DOCK2: variants seen among roughly 807,000 people sequenced by gnomAD.
The protein encoded by DOCK2 is dedicator of cytokinesis protein 2.
DOCK2 carries 87 observed loss-of-function variants against 248.9 expected under a neutral mutation model. That is an observed-to-expected ratio of 0.35 (90% CI 0.29 to 0.42). DOCK2 has a LOEUF of 0.42. Ranked by LOEUF, DOCK2 falls within the 10% of genes least tolerant of loss-of-function variation. DOCK2 has a pLI of 1.00. For synonymous variants in DOCK2, 805 were observed against 821.6 expected (o/e 0.98, Z 0.35); for missense variants, 1,747 against 2,300.2 (o/e 0.76, Z 4.92).
intron 27 of DOCK2, chr5:169,875,839 T>C (rs368920562): frequency 6.5e-6 from 1 of 152,744 alleles, no homozygotes; most frequent in East Asian, 1.9e-4. Context: ...GTAAAAATCA[T>C]CAGTTAAAGG....
In DOCK2 at chr5:169,882,658, C is replaced by G. The variant is rs917958915; in HGVS notation, c.2799+41806C>G. The G allele has an allele frequency of 7.7e-6, 12 of 1,551,918 alleles. No individual in the cohort carries two copies. Among genetic ancestry groups the G allele is most frequent in the Admixed American group, 3.9e-5 (2 of 50,988 alleles). On this transcript the variant is annotated intron_variant, in intron 27 of 51. Coordinates refer to ENST00000520908, the MANE Select transcript of DOCK2 (RefSeq NM_004946.3). ...AGATTCCTCCACAGATTGCAGTCGG[C>G]CTTGGAGGTCGCAGAGTTCACCCCG...
intron 29 of DOCK2, among the ~76,000 whole-genome samples, chr5:169,995,265 G>A (rs1051665029): frequency 6.6e-6 from 1 of 152,098 alleles, no homozygotes; most frequent in Non-Finnish European, 1.5e-5. Flanking sequence ...CAGACCTCAA[G>A]TGATCCACCC....
Position 170,028,775 on chromosome 5 carries a change from G to GCA in DOCK2, c.3467+835_3467+836dup, listed in dbSNP as rs571041926. Among the ~76,000 whole-genome samples the GCA allele has an allele frequency of 4.1e-4, 61 of 150,562 alleles. No homozygotes were observed. In the South Asian group the frequency reaches 9.1e-3, roughly 22 times the overall value. ...CACACACACACACACACACGCGTGC[G>GCA]CACACACACCCAAACACTCCCCCAT... On this transcript the variant is annotated intron_variant, in intron 34 of 51. Transcript: ENST00000520908.
At chr5:169,860,960 C>G (rs1305927156) in intron 27 of DOCK2, among the ~76,000 whole-genome samples, 2 of 151,994 alleles carry the variant, frequency 1.3e-5, no homozygotes, top group African/African-American at 4.8e-5. Flanking sequence ...TATAAATTTG[C>G]CTTTTAAGGA....
chr5:169,765,785 G>C (rs1764748190), intron 25 of DOCK2, among the ~76,000 whole-genome samples: 1 of 147,470 alleles, frequency 6.8e-6, no homozygotes, highest in Non-Finnish European at 1.5e-5. Flanking sequence ...TTTATTTTCA[G>C]CTGGTGGGTT....
intron 27 of DOCK2, among the ~76,000 whole-genome samples, chr5:169,921,553 G>A (rs150022648): frequency 4.1e-4 from 62 of 152,250 alleles, no homozygotes; most frequent in Admixed American, 2.2e-3. Context: ...CCTCCTCTTC[G>A]TAGGAATTTG....
chr5:169,781,001 C>T (rs1466700111), intron 25 of DOCK2, among the ~76,000 whole-genome samples: 1 of 152,064 alleles, frequency 6.6e-6, no homozygotes, highest in East Asian at 1.9e-4. Flanking sequence ...CATGACTTAC[C>T]CACTTATTCC....
intron 24 of DOCK2, chr5:169,761,299 C>T (rs1764476157): frequency 2.0e-6 from 1 of 504,430 alleles, no homozygotes; most frequent in African/African-American, 1.9e-5. Flanking sequence ...CTGCTCAGGG[C>T]TATGGGTATT....
At chr5:169,883,707 C>G in intron 27 of DOCK2, 1 of 1,551,388 alleles carries the variant, frequency 6.4e-7, no homozygotes, top group Non-Finnish European at 8.7e-7. Flanking sequence ...TCTTCCCCAT[C>G]ACAGCCGGGT....
At chr5:169,808,946 G>C (rs116576329) in intron 26 of DOCK2, among the ~76,000 whole-genome samples, 1 of 151,926 alleles carries the variant, frequency 6.6e-6, no homozygotes, top group African/African-American at 2.4e-5. Flanking sequence ...AAACCTGGGT[G>C]GGGGGCTACC....
intron 34 of DOCK2, among the ~76,000 whole-genome samples, chr5:170,029,957 C>G (rs1047205780): frequency 1.1e-4 from 17 of 152,300 alleles, no homozygotes; most frequent in Non-Finnish European, 2.1e-4. Context: ...TCACTAAACA[C>G]TTAGAATGCA....
intron 25 of DOCK2, among the ~76,000 whole-genome samples, chr5:169,795,119 T>G (rs1766566390): frequency 6.6e-6 from 1 of 152,208 alleles, no homozygotes; most frequent in African/African-American, 2.4e-5. Flanking sequence ...AGCCAACTTA[T>G]AGGGTATTTG....
intron 41 of DOCK2, among the ~76,000 whole-genome samples, chr5:170,054,017 C>G (rs1305952663): frequency 7.0e-6 from 1 of 143,222 alleles, no homozygotes; most frequent in Non-Finnish European, 1.5e-5. Context: ...GGAAGGAAAA[C>G]AACTCCTAAC....
intron 27 of DOCK2, among the ~76,000 whole-genome samples, chr5:169,907,172 T>C: frequency 6.6e-6 from 1 of 152,160 alleles, no homozygotes; most frequent in East Asian, 1.9e-4. Context: ...TGCTGAGGCA[T>C]TTTGGTCACC....
chr5:169,924,791 T>G (rs1249428807), intron 27 of DOCK2, among the ~76,000 whole-genome samples: 1 of 152,208 alleles, frequency 6.6e-6, no homozygotes, highest in Non-Finnish European at 1.5e-5. Flanking sequence ...CAATCTGAAG[T>G]ATCCTGGGAC....
intron 32 of DOCK2, among the ~76,000 whole-genome samples, chr5:170,017,462 A>T (rs924323754): frequency 6.6e-6 from 1 of 152,190 alleles, no homozygotes; most frequent in East Asian, 1.9e-4. Context: ...CCTATCTGCT[A>T]CTTCTGATGC....
At chr5:170,049,761 C>CTTTAGTTGA (rs1177155808) in intron 40 of DOCK2, among the ~76,000 whole-genome samples, 1 of 152,188 alleles carries the variant, frequency 6.6e-6, no homozygotes. Context: ...ACAACATCAC[C>CTTTAGTTGA]TTTAGTTGAG....
At chr5:169,701,363 G>A (rs908990724) in intron 13 of DOCK2, among the ~76,000 whole-genome samples, 8 of 152,148 alleles carry the variant, frequency 5.3e-5, no homozygotes, top group African/African-American at 1.2e-4. Context: ...TTCCGTTCAC[G>A]ATGGCTCTCA....
intron 29 of DOCK2, among the ~76,000 whole-genome samples, chr5:169,988,450 A>G (rs564056023): frequency 1.3e-5 from 2 of 152,334 alleles, no homozygotes; most frequent in East Asian, 1.9e-4. Context: ...GAAAAGAAAC[A>G]GAAGCCATTT....
Sources: gnomAD v4.1 joint callset for allele counts (sites outside exome capture counted in the v4.1 genomes callset) on GRCh38, gnomAD v4.1.1 for gene constraint, MANE v1.5 for transcripts, NCBI Gene and HGNC (gene_info 2026-07-23, HGNC 2026-07-21) for gene names.